Variants in DMD observed in about 807,000 individuals in gnomAD.
DMD encodes dystrophin.
In DMD, 63 loss-of-function variants were observed where a neutral mutation model predicts 330.1. The ratio of observed to expected loss-of-function variants is 0.19; its 90% confidence interval spans 0.16 to 0.24. DMD has a LOEUF of 0.24. Among genes scored for constraint, DMD ranks in the 10% least tolerant of loss-of-function variants. The probability of loss-of-function intolerance (pLI) is 1.00; values close to 1 mark genes in which losing one functional copy is unlikely to be tolerated. For missense variants in DMD, 3,344 were observed against 2,684.1 expected, an observed-to-expected ratio of 1.25 and a Z score of -5.43; for synonymous variants, 1,223 against 959.8, an observed-to-expected ratio of 1.27 and a Z score of -5.07.
At chrX:32,505,158 G>T (rs922481657) in intron 18 of DMD, among the ~76,000 whole-genome samples, 1 of 110,854 alleles carries the variant, frequency 9.0e-6, no homozygotes, top group Non-Finnish European at 1.9e-5. Context: ...ATGAAAGAAA[G>T]AATTAATAAG....
At chrX:33,037,714 T>C (rs1478409691) in intron 1 of DMD, among the ~76,000 whole-genome samples, 1 of 112,076 alleles carries the variant, frequency 8.9e-6, no homozygotes, top group Non-Finnish European at 1.9e-5. Flanking sequence ...GTGTCTGTGA[T>C]GGAAACTGGT....
At chrX:32,868,414 TCTAAGAGAACTGCCAC>T (rs1276162278) in intron 2 of DMD, among the ~76,000 whole-genome samples, 1 of 110,911 alleles carries the variant, frequency 9.0e-6, no homozygotes, top group Admixed American at 9.5e-5. Flanking sequence ...AGGGGCGGCA[TCTAAGAGAACTGCCAC>T]CTAAGAGAAC....
chrX:33,081,793 T>C (rs991102863), intron 1 of DMD, among the ~76,000 whole-genome samples: 1 of 111,712 alleles, frequency 9.0e-6, no homozygotes, highest in African/African-American at 3.3e-5. Context: ...CCTTAAAGTA[T>C]ATTTCCTATC....
intron 62 of DMD, among the ~76,000 whole-genome samples, chrX:31,283,353 G>GA (rs1371190634): frequency 1.7e-4 from 19 of 111,459 alleles, no homozygotes; most frequent in Non-Finnish European, 3.2e-4. Context: ...TACAAATGTA[G>GA]TCATTATCGT....
At chrX:32,306,116 T>G (rs1326478728) in intron 42 of DMD, among the ~76,000 whole-genome samples, 1 of 110,367 alleles carries the variant, frequency 9.1e-6, no homozygotes, top group Non-Finnish European at 1.9e-5. Context: ...TTTCTTTGTT[T>G]GCTTGCTTCT....
At chrX:33,010,162 ATATGTATATATGCATATATTTGTG>A (rs1269372048) in intron 2 of DMD, among the ~76,000 whole-genome samples, 1 of 94,217 alleles carries the variant, frequency 1.1e-5, no homozygotes, top group Non-Finnish European at 2.2e-5. Flanking sequence ...ACATGTGTGT[ATATGTATATATGCATATATTTGTG>A]TATGTATATA....
intron 1 of DMD, among the ~76,000 whole-genome samples, chrX:33,163,552 G>GTATATATATATATATATATATATATA (rs781153726): frequency 5.5e-5 from 5 of 91,001 alleles, no homozygotes; most frequent in African/African-American, 2.1e-4. Context: ...ATATATGTGT[G>GTATATATATATATATATATATATATA]TATATATATA....
At chrX:31,799,902 T>C (rs993908296) in intron 50 of DMD, among the ~76,000 whole-genome samples, 3 of 112,464 alleles carry the variant, frequency 2.7e-5, no homozygotes, top group Non-Finnish European at 5.6e-5. Context: ...TCATTACACT[T>C]TGAACTGCCC....
At chrX:31,552,795 T>A (rs1247212394) in intron 55 of DMD, among the ~76,000 whole-genome samples, 1 of 111,973 alleles carries the variant, frequency 8.9e-6, no homozygotes, top group Non-Finnish European at 1.9e-5. Flanking sequence ...TTCAGCAAAT[T>A]TCTTATCTAT....
At chrX:32,579,955 G>A (rs1347613436) in intron 13 of DMD, among the ~76,000 whole-genome samples, 1 of 111,151 alleles carries the variant, frequency 9.0e-6, no homozygotes, top group Admixed American at 9.5e-5. Flanking sequence ...AATAAATCTG[G>A]AAAAGCCTTT....
At chrX:31,284,580 T>TCCTCCTC (rs1287747563) in intron 62 of DMD, among the ~76,000 whole-genome samples, 2 of 95,179 alleles carry the variant, frequency 2.1e-5, no homozygotes, top group African/African-American at 8.2e-5. Context: ...TTCTTCTTCT[T>TCCTCCTC]CTTCTTCTTC....
intron 12 of DMD, among the ~76,000 whole-genome samples, chrX:32,604,971 C>T (rs373538385): frequency 9.0e-6 from 1 of 110,994 alleles, no homozygotes; most frequent in East Asian, 2.9e-4. Flanking sequence ...AAAATAACCA[C>T]ACTGCTCAAA....
At chrX:33,179,645 G>A (rs1414037071) in intron 1 of DMD, among the ~76,000 whole-genome samples, 1 of 105,850 alleles carries the variant, frequency 9.4e-6, no homozygotes, top group South Asian at 4.3e-4. Flanking sequence ...AGTGAGCCGA[G>A]ATCGCGCCAC....
chrX:32,182,201 TA>T (rs1253646792), intron 44 of DMD, among the ~76,000 whole-genome samples: 1 of 111,934 alleles, frequency 8.9e-6, no homozygotes, highest in Non-Finnish European at 1.9e-5. Context: ...GAAATGCGAA[TA>T]ATTCTACTCC....
intron 11 of DMD, among the ~76,000 whole-genome samples, chrX:32,642,570 G>A (rs1414864697): frequency 8.9e-6 from 1 of 111,906 alleles, no homozygotes; most frequent in Admixed American, 9.5e-5. Context: ...TCCCTTGAAG[G>A]GGGGAATTTT....
chrX:32,202,439 C>A (rs2097045189), intron 44 of DMD, among the ~76,000 whole-genome samples: 1 of 111,714 alleles, frequency 9.0e-6, no homozygotes, highest in African/African-American at 3.3e-5. Context: ...GCGACCTCCG[C>A]CTCTCGGGTT....
At chrX:32,519,457 G>A (rs1036337596) in intron 17 of DMD, among the ~76,000 whole-genome samples, 1 of 110,643 alleles carries the variant, frequency 9.0e-6, no homozygotes, top group East Asian at 2.8e-4. Context: ...TTACTTCAAC[G>A]GATATTCTAT....
At chrX:33,143,420 A>G (rs1177194643) in intron 1 of DMD, among the ~76,000 whole-genome samples, 1 of 111,464 alleles carries the variant, frequency 9.0e-6, no homozygotes, top group Non-Finnish European at 1.9e-5. Context: ...AATAGATAGT[A>G]TAAGGTCATC....
intron 60 of DMD, among the ~76,000 whole-genome samples, chrX:31,442,624 T>C (rs1024074149): frequency 9.9e-5 from 11 of 111,474 alleles, no homozygotes; most frequent in African/African-American, 3.6e-4. Context: ...CACAAATCTT[T>C]TACCACGTTC....
Sources: allele counts gnomAD v4.1 joint callset (sites outside exome capture counted in the v4.1 genomes callset), GRCh38; gene constraint gnomAD v4.1.1; transcripts MANE v1.5; gene names NCBI Gene and HGNC (gene_info 2026-07-23, HGNC 2026-07-21).